CLYBL: variants seen among roughly 807,000 people sequenced by gnomAD.
CLYBL encodes the protein citramalyl-CoA lyase, mitochondrial.
In CLYBL, 31 loss-of-function variants were observed where a neutral mutation model predicts 38.9. That is an observed-to-expected ratio of 0.80 (90% CI 0.60 to 1.08). The LOEUF (loss-of-function observed/expected upper bound fraction) is 1.08, where lower values mean the gene tolerates loss of function less well. CLYBL is among the 50% of genes least tolerant of loss of function. The probability of loss-of-function intolerance (pLI) is 0.00; values close to 1 mark genes in which losing one functional copy is unlikely to be tolerated. For missense variants in CLYBL, 434 were observed against 411.6 expected (o/e 1.05, Z -0.47); for synonymous variants, 171 against 158.6 (o/e 1.08, Z -0.59).
intron 1 of CLYBL, among the ~76,000 whole-genome samples, chr13:99,667,844 GGAACAA>G (rs1218673885): frequency 1.3e-5 from 2 of 152,096 alleles, no homozygotes; most frequent in Non-Finnish European, 2.9e-5. Context: ...GGTCTGTTTT[GGAACAA>G]AAGGATAGAT....
intron 2 of CLYBL, among the ~76,000 whole-genome samples, chr13:99,843,178 T>C (rs1566350191): frequency 6.6e-6 from 1 of 152,142 alleles, no homozygotes; most frequent in Non-Finnish European, 1.5e-5. Flanking sequence ...CTTTGGAGCC[T>C]CAGTGAGCAG....
intron 1 of CLYBL, among the ~76,000 whole-genome samples, chr13:99,615,936 C>T (rs1390262186): frequency 3.9e-5 from 6 of 152,148 alleles, no homozygotes; most frequent in Non-Finnish European, 7.4e-5. Flanking sequence ...TGGGTTCAAG[C>T]GATCCTCCTG....
intron 2 of CLYBL, among the ~76,000 whole-genome samples, chr13:99,816,587 T>G (rs2050452396): frequency 6.6e-6 from 1 of 152,174 alleles, no homozygotes; most frequent in Non-Finnish European, 1.5e-5. Context: ...AGTGATTAGG[T>G]CATGAGATGG....
At position 99,682,108 on chromosome 13, in the gene CLYBL, G is replaced by A. The variant is rs534288750; in HGVS notation, c.62+75351G>A. Reference sequence around the variant, plus strand: ...ACACAACATGTAGCTACTGAATACTGTAGGCAATTGTAACACAGTGGTAAG... The same window carrying A: ...ACACAACATGTAGCTACTGAATACTATAGGCAATTGTAACACAGTGGTAAG... On this transcript the variant is annotated intron_variant, in intron 1 of 8. Coordinates refer to ENST00000339105, the MANE Select transcript of CLYBL (RefSeq NM_206808.5). Among the ~76,000 whole-genome samples the A allele has an allele frequency of 3.6e-4, 54 of 151,970 alleles. 1 individual carries two copies. Among genetic ancestry groups the A allele is most frequent in the African/African-American group, 1.2e-3 (49 of 41,454 alleles).
At chr13:99,858,818 C>G (rs1312197874) in intron 2 of CLYBL, 43 bp from the exon 3 acceptor site, 2 of 1,433,244 alleles carry the variant, frequency 1.4e-6, no homozygotes, top group Non-Finnish European at 1.9e-6. Context: ...GTGCTCCCCT[C>G]AATGATAAAA....
intron 2 of CLYBL, among the ~76,000 whole-genome samples, chr13:99,777,408 G>C (rs2049541218): frequency 6.6e-6 from 1 of 152,102 alleles, no homozygotes; most frequent in Non-Finnish European, 1.5e-5. Context: ...ACCCAAGTCA[G>C]TACCTCATTG....
intron 2 of CLYBL, among the ~76,000 whole-genome samples, chr13:99,814,729 G>GAAGA (rs2050409275): frequency 8.1e-6 from 1 of 123,840 alleles, no homozygotes; most frequent in African/African-American, 3.0e-5. Context: ...CCCTGTCTCA[G>GAAGA]AAAAAAAAAA....
At position 99,784,550 on chromosome 13, in the gene CLYBL, G is replaced by A. The variant is rs550926970; in HGVS notation, c.249+11540G>A. Reference sequence around the variant, plus strand: ...GCTCACTGCCACCTCTACCTCCTGGGTTCAAGCAATTCTCGTGCCTCAGCC... The same window carrying A: ...GCTCACTGCCACCTCTACCTCCTGGATTCAAGCAATTCTCGTGCCTCAGCC... On this transcript the variant is annotated intron_variant, in intron 2 of 8. Transcript: ENST00000339105. Among the ~76,000 whole-genome samples, 318 of 145,902 alleles carry A rather than the reference G, an allele frequency of 2.2e-3. 3 individuals are homozygous for A. The highest frequency in any genetic ancestry group is 2.3e-3 in the Admixed American group (32 of 14,006).
At chr13:99,818,632 C>T (rs2050510858) in intron 2 of CLYBL, among the ~76,000 whole-genome samples, 1 of 152,162 alleles carries the variant, frequency 6.6e-6, no homozygotes, top group Admixed American at 6.5e-5. Flanking sequence ...TCATTTTAAC[C>T]TCTTCTGTTT....
intron 2 of CLYBL, among the ~76,000 whole-genome samples, chr13:99,852,379 C>CA (rs2051353488): frequency 2.0e-5 from 3 of 152,308 alleles, no homozygotes; most frequent in African/African-American, 7.2e-5. Context: ...GCTGAGACTA[C>CA]AGCTGTGTGC....
chr13:99,778,047 T>A (rs2049559824), intron 2 of CLYBL, among the ~76,000 whole-genome samples: 1 of 152,244 alleles, frequency 6.6e-6, no homozygotes, highest in Non-Finnish European at 1.5e-5. Context: ...TTTAGTCAGC[T>A]TCCTGTTCTC....
At chr13:99,750,572 G>C (rs1350379646) in intron 1 of CLYBL, among the ~76,000 whole-genome samples, 1 of 151,910 alleles carries the variant, frequency 6.6e-6, no homozygotes, top group Non-Finnish European at 1.5e-5. Flanking sequence ...TACTCGGGAG[G>C]CTGAGGCAGA....
chr13:99,756,442 C>G (rs2049064426), intron 1 of CLYBL, among the ~76,000 whole-genome samples: 1 of 152,124 alleles, frequency 6.6e-6, no homozygotes, highest in African/African-American at 2.4e-5. Flanking sequence ...CTGGGACTCA[C>G]CATAAGAGTG....
intron 1 of CLYBL, among the ~76,000 whole-genome samples, chr13:99,681,640 T>G (rs534699540): frequency 6.6e-6 from 1 of 152,166 alleles, no homozygotes; most frequent in Non-Finnish European, 1.5e-5. Flanking sequence ...AGGCTAGAGT[T>G]CAGTGGCACG....
intron 6 of CLYBL, 56 bp downstream of exon 6, chr13:99,866,463 A>C: frequency 6.5e-7 from 1 of 1,547,456 alleles, no homozygotes; most frequent in South Asian, 1.2e-5. Context: ...CCAGAAAAAT[A>C]GAAATTTGAC....
At chr13:99,790,960 T>C (rs191770445) in intron 2 of CLYBL, among the ~76,000 whole-genome samples, 1 of 152,338 alleles carries the variant, frequency 6.6e-6, no homozygotes, top group Non-Finnish European at 1.5e-5. Context: ...AAGCAACTTA[T>C]ATGAACATAA....
chr13:99,764,120 G>A (rs897971015), intron 1 of CLYBL, among the ~76,000 whole-genome samples: 19 of 151,950 alleles, frequency 1.3e-4, no homozygotes, highest in African/African-American at 4.6e-4. Context: ...ACAGCTCGGT[G>A]CAGTCACAGC....
At chr13:99,817,795 GAGTTTA>G (rs1247907265) in intron 2 of CLYBL, among the ~76,000 whole-genome samples, 2 of 151,878 alleles carry the variant, frequency 1.3e-5, no homozygotes, top group African/African-American at 4.8e-5. Context: ...TTGAACCCAG[GAGTTTA>G]AGACCAGTCT....
intron 2 of CLYBL, among the ~76,000 whole-genome samples, chr13:99,855,077 A>G (rs2051427299): frequency 6.6e-6 from 1 of 152,192 alleles, no homozygotes; most frequent in South Asian, 2.1e-4. Context: ...AGAACACGCT[A>G]TGGTAATTAG....
Sources: allele counts gnomAD v4.1 joint callset (sites outside exome capture counted in the v4.1 genomes callset), GRCh38; gene constraint gnomAD v4.1.1; transcripts MANE v1.5; gene names NCBI Gene and HGNC (gene_info 2026-07-23, HGNC 2026-07-21).